Variants in CNTNAP2 observed in about 807,000 individuals in gnomAD.
CNTNAP2 encodes contactin-associated protein-like 2.
CNTNAP2 carries 98 observed loss-of-function variants against 155.2 expected under a neutral mutation model. That is an observed-to-expected ratio of 0.63 (90% CI 0.54 to 0.75). CNTNAP2 has a LOEUF of 0.75. CNTNAP2 is among the 30% of genes least tolerant of loss of function. The pLI is 0.00. For missense variants in CNTNAP2, 1,727 were observed against 1,688.1 expected (o/e 1.02, Z -0.40); for synonymous variants, 651 against 631.2 (o/e 1.03, Z -0.47).
chr7:146,621,888 A>T (rs1224576043), intron 1 of CNTNAP2, among the ~76,000 whole-genome samples: 1 of 152,084 alleles, frequency 6.6e-6, no homozygotes, highest in Non-Finnish European at 1.5e-5. Flanking sequence ...AAATTTTATT[A>T]TTCCTCCCCA....
intron 10 of CNTNAP2, among the ~76,000 whole-genome samples, chr7:147,417,209 G>A (rs1391539823): frequency 3.3e-5 from 5 of 151,978 alleles, no homozygotes; most frequent in Admixed American, 2.0e-4. Flanking sequence ...ATAACTCATT[G>A]TTTTAGTTTA....
intron 13 of CNTNAP2, among the ~76,000 whole-genome samples, chr7:147,775,419 A>ATATATTTATAAATATATATATATT (rs1797570276): frequency 8.3e-6 from 1 of 120,912 alleles, no homozygotes; most frequent in Non-Finnish European, 1.7e-5. Flanking sequence ...ATATATTTAT[A>ATATATTTATAAATATATATATATT]TATATATATC....
At chr7:147,732,088 G>A (rs192009999) in intron 13 of CNTNAP2, among the ~76,000 whole-genome samples, 1 of 152,030 alleles carries the variant, frequency 6.6e-6, no homozygotes, top group African/African-American at 2.4e-5. Flanking sequence ...TGCACAGTGA[G>A]CAGGTTTGTT....
chr7:146,888,586 T>C (rs1251096386), intron 3 of CNTNAP2, among the ~76,000 whole-genome samples: 1 of 152,092 alleles, frequency 6.6e-6, no homozygotes, highest in East Asian at 1.9e-4. Context: ...ACTTCTATTC[T>C]GCCTACCCAT....
intron 3 of CNTNAP2, among the ~76,000 whole-genome samples, chr7:146,922,482 T>C (rs1796523211): frequency 6.6e-6 from 1 of 152,144 alleles, no homozygotes; most frequent in South Asian, 2.1e-4. Flanking sequence ...TGTATCAATA[T>C]ATATGGTTGT....
intron 8 of CNTNAP2, among the ~76,000 whole-genome samples, chr7:147,181,602 T>G (rs1319069168): frequency 6.6e-6 from 1 of 152,182 alleles, no homozygotes; most frequent in Non-Finnish European, 1.5e-5. Flanking sequence ...AACTGTTTTG[T>G]TTTTAAGCAG....
intron 1 of CNTNAP2, among the ~76,000 whole-genome samples, chr7:146,661,392 A>G (rs995536008): frequency 6.6e-6 from 1 of 152,094 alleles, no homozygotes; most frequent in Non-Finnish European, 1.5e-5. Flanking sequence ...TCATGTAACC[A>G]CTGCCCCCAA....
chr7:147,698,033 G>T (rs1796187491), intron 13 of CNTNAP2, among the ~76,000 whole-genome samples: 1 of 152,032 alleles, frequency 6.6e-6, no homozygotes, highest in Admixed American at 6.6e-5. Context: ...TCCTACCCTG[G>T]TACTGGCTCA....
intron 8 of CNTNAP2, among the ~76,000 whole-genome samples, chr7:147,298,614 T>C (rs1794882406): frequency 6.6e-6 from 1 of 152,228 alleles, no homozygotes; most frequent in Non-Finnish European, 1.5e-5. Context: ...TTTCTTAGTA[T>C]AAACCAACTA....
chr7:147,263,979 C>T (rs374641324), intron 8 of CNTNAP2, among the ~76,000 whole-genome samples: 2 of 152,302 alleles, frequency 1.3e-5, no homozygotes, highest in Middle Eastern at 6.8e-3. Flanking sequence ...ATTCAGAGGA[C>T]TGTCTTGCAT....
intron 1 of CNTNAP2, among the ~76,000 whole-genome samples, chr7:146,695,301 G>C (rs1039657219): frequency 6.6e-6 from 1 of 152,114 alleles, no homozygotes; most frequent in African/African-American, 2.4e-5. Context: ...TGAGAAATGT[G>C]TGTTGGATTT....
chr7:148,388,680 T>TTGATGA (rs1281219130), intron 22 of CNTNAP2, among the ~76,000 whole-genome samples: 1 of 152,116 alleles, frequency 6.6e-6, no homozygotes, highest in Non-Finnish European at 1.5e-5. Context: ...CTTTTGGTCT[T>TTGATGA]TGATGATGGT....
chr7:146,607,558 T>C (rs1021132926), intron 1 of CNTNAP2, among the ~76,000 whole-genome samples: 4 of 152,052 alleles, frequency 2.6e-5, no homozygotes, highest in African/African-American at 9.7e-5. Flanking sequence ...CTCACTGCAT[T>C]CTCAATCTCC....
At chr7:147,245,896 T>G (rs1804050399) in intron 8 of CNTNAP2, among the ~76,000 whole-genome samples, 1 of 151,214 alleles carries the variant, frequency 6.6e-6, no homozygotes, top group South Asian at 2.1e-4. Flanking sequence ...GATATATGTA[T>G]CTGTGTGTGT....
chr7:148,063,068 A>G (rs1433133441), intron 15 of CNTNAP2, among the ~76,000 whole-genome samples: 2 of 152,150 alleles, frequency 1.3e-5, no homozygotes, highest in Non-Finnish European at 2.9e-5. Flanking sequence ...TCTATAGTAT[A>G]TATGTATCAG....
chr7:146,633,854 A>C (rs1001361370), intron 1 of CNTNAP2, among the ~76,000 whole-genome samples: 21 of 148,840 alleles, frequency 1.4e-4, no homozygotes, highest in African/African-American at 4.9e-4. Flanking sequence ...AAAAAAAAAA[A>C]AACAGAAACG....
At chr7:147,817,761 C>T (rs776789334) in intron 13 of CNTNAP2, among the ~76,000 whole-genome samples, 9 of 151,744 alleles carry the variant, frequency 5.9e-5, no homozygotes, top group African/African-American at 1.2e-4. Flanking sequence ...AAAAATTAGC[C>T]GGGCATGATG....
At chr7:147,924,256 A>G (rs1018377598) in intron 14 of CNTNAP2, among the ~76,000 whole-genome samples, 10 of 147,446 alleles carry the variant, frequency 6.8e-5, no homozygotes, top group African/African-American at 2.6e-4. Context: ...CTCTTCCCTC[A>G]GCCTCCCGAG....
In CNTNAP2 at chr7:146,173,638, A is replaced by G. The variant is rs1286658996; in HGVS notation, c.97+56665A>G. 5.3e-5 allele frequency among the ~76,000 whole-genome samples: 8 copies of G among 152,130 alleles called. No individual in the cohort carries two copies. In the South Asian group the frequency reaches 1.7e-3, roughly 31 times the overall value. Reference sequence around the variant, plus strand: ...TATTGCTTCTGTAATGTTATAACTTATTTTTTGTAATAGTTGGTATATTTA... The same window carrying G: ...TATTGCTTCTGTAATGTTATAACTTGTTTTTTGTAATAGTTGGTATATTTA... On this transcript the variant is annotated intron_variant, in intron 1 of 23. Coordinates refer to ENST00000361727, the MANE Select transcript of CNTNAP2 (RefSeq NM_014141.6).
Sources: gnomAD v4.1 joint callset for allele counts (sites outside exome capture counted in the v4.1 genomes callset) on GRCh38, gnomAD v4.1.1 for gene constraint, MANE v1.5 for transcripts, NCBI Gene and HGNC (gene_info 2026-07-23, HGNC 2026-07-21) for gene names.